Variants in PLGRKT observed in about 807,000 individuals in gnomAD.
PLGRKT encodes plasminogen receptor with a C-terminal lysine.
A neutral mutation model predicts 18.5 loss-of-function variants in PLGRKT; 22 were observed. The observed-to-expected ratio is 1.19, with a 90% CI of 0.85 to 1.70. The LOEUF (loss-of-function observed/expected upper bound fraction) is 1.70. PLGRKT is among the 40% of genes most tolerant of loss of function. The pLI is 0.00. For missense variants in PLGRKT, 235 were observed against 174.4 expected, an observed-to-expected ratio of 1.35 and a Z score of -1.96; for synonymous variants, 72 against 52.8, an observed-to-expected ratio of 1.36 and a Z score of -1.58.
intron 3 of PLGRKT, among the ~76,000 whole-genome samples, chr9:5,408,783 G>A (rs1039379204): frequency 6.6e-5 from 10 of 152,202 alleles, no homozygotes; most frequent in African/African-American, 2.4e-4. Context: ...GGACAGAATG[G>A]TTTCCTGGGC....
At chr9:5,424,519 A>AT (rs1491265819) in intron 3 of PLGRKT, among the ~76,000 whole-genome samples, 1,967 of 111,036 alleles carry the variant, frequency 0.018, 66 homozygotes, top group African/African-American at 0.066. Context: ...TATAACATAT[A>AT]AATATATATT....
chr9:5,420,288 C>G lies in PLGRKT; in HGVS notation c.81+11609G>C, dbSNP rs542748283. Among the ~76,000 whole-genome samples the G allele has an allele frequency of 5.9e-5, 9 of 152,244 alleles. No homozygotes were observed. The East Asian group carries it at 1.7e-3, about 29-fold the overall frequency. Reference sequence around the variant, plus strand: ...GACTGGTTAACAATTACAGGGTTTCCTTTTGGAGTGATGAAGTGTTACAGA... The same window carrying G: ...GACTGGTTAACAATTACAGGGTTTCGTTTTGGAGTGATGAAGTGTTACAGA... On this transcript the variant is annotated intron_variant, in intron 3 of 5. Coordinates refer to ENST00000223864, the MANE Select transcript of PLGRKT (RefSeq NM_018465.4).
At chr9:5,423,863 C>A (rs1330676553) in intron 3 of PLGRKT, among the ~76,000 whole-genome samples, 1 of 81,442 alleles carries the variant, frequency 1.2e-5, no homozygotes, top group African/African-American at 6.6e-5. Flanking sequence ...TCACATTGCC[C>A]AGCTAATATA....
chr9:5,409,715 G>A (rs529846172), intron 3 of PLGRKT, among the ~76,000 whole-genome samples: 1 of 152,362 alleles, frequency 6.6e-6, no homozygotes, highest in East Asian at 1.9e-4. Context: ...TGCGCTGGAT[G>A]TGGGACATGA....
At position 5,369,024 on chromosome 9, in the gene PLGRKT, T is replaced by C. The variant is rs1817458033; in HGVS notation, c.82-7136A>G. Among the ~76,000 whole-genome samples the C allele has an allele frequency of 2.6e-5, 4 of 152,132 alleles. No individual in the cohort carries two copies. In the South Asian group the frequency reaches 8.3e-4, roughly 31 times the overall value. On this transcript the variant is annotated intron_variant, in intron 3 of 5. Coordinates refer to ENST00000223864, the MANE Select transcript of PLGRKT (RefSeq NM_018465.4). ...AAACCCTAGAAGAAAACCTAGGCAA[T>C]ACCATTCAGGACATAGGCATGGGCA...
At chr9:5,425,628 T>A (rs1468996336) in intron 3 of PLGRKT, among the ~76,000 whole-genome samples, 1 of 152,136 alleles carries the variant, frequency 6.6e-6, no homozygotes, top group East Asian at 1.9e-4. Flanking sequence ...GGCCATTACA[T>A]TGCATTACAG....
chr9:5,407,160 C>T (rs556129041), intron 3 of PLGRKT, among the ~76,000 whole-genome samples: 1 of 152,052 alleles, frequency 6.6e-6, no homozygotes, highest in Non-Finnish European at 1.5e-5. Flanking sequence ...AAAACATGTA[C>T]AATGATTGAC....
At chr9:5,413,895 A>T (rs546707414) in intron 3 of PLGRKT, among the ~76,000 whole-genome samples, 1 of 152,310 alleles carries the variant, frequency 6.6e-6, no homozygotes, top group South Asian at 2.1e-4. Context: ...ATTGATTTGG[A>T]GTGGTTTCCA....
chr9:5,420,181 T>C (rs1164534234), intron 3 of PLGRKT, among the ~76,000 whole-genome samples: 1 of 152,184 alleles, frequency 6.6e-6, no homozygotes, highest in Non-Finnish European at 1.5e-5. Flanking sequence ...GCAAACCCAT[T>C]GAGGCAGAAA....
chr9:5,369,980 C>G lies in PLGRKT; in HGVS notation c.82-8092G>C, dbSNP rs886885488. On this transcript the variant is annotated intron_variant, in intron 3 of 5. Transcript: ENST00000223864. ...GGGAGGGATAGCGTTAGGAGAAATA[C>G]CTAATGTAGATAACGTGTTGATGGG... 3.3e-5 allele frequency among the ~76,000 whole-genome samples: 5 copies of G among 151,988 alleles called. No individual in the cohort carries two copies. The East Asian group carries it at 9.6e-4, about 29-fold the overall frequency.
intron 3 of PLGRKT, chr9:5,381,766 T>C (rs781594605): frequency 4.0e-5 from 18 of 446,398 alleles, no homozygotes; most frequent in Non-Finnish European, 5.3e-5. Context: ...TGTAGTAGGA[T>C]TTTATTGTTT....
chr9:5,431,822 T>C (rs746890686), intron 3 of PLGRKT, 75 bp downstream of exon 3: 28 of 720,444 alleles, frequency 3.9e-5, no homozygotes, highest in Non-Finnish European at 6.5e-5. Flanking sequence ...TCAAAGAGAA[T>C]GTACGGCTGG....
chr9:5,414,919 T>C (rs770370705), intron 3 of PLGRKT, among the ~76,000 whole-genome samples: 58 of 152,220 alleles, frequency 3.8e-4, no homozygotes, highest in Non-Finnish European at 2.9e-4. Context: ...TTAGAAAATA[T>C]ACACAGATAG....
At chr9:5,435,510 G>C (rs1295301508) in intron 2 of PLGRKT, among the ~76,000 whole-genome samples, 1 of 152,038 alleles carries the variant, frequency 6.6e-6, no homozygotes, top group Non-Finnish European at 1.5e-5. Context: ...ATGTACTAAA[G>C]TTCTCAAAAA....
chr9:5,394,268 G>A (rs1347648355), intron 3 of PLGRKT, among the ~76,000 whole-genome samples: 2 of 151,770 alleles, frequency 1.3e-5, no homozygotes, highest in Non-Finnish European at 2.9e-5. Context: ...GGAAGGCAGA[G>A]GAGGCAGACA....
At chr9:5,432,146 C>T (rs1001180903) in intron 2 of PLGRKT, among the ~76,000 whole-genome samples, 163 bp from the exon 3 acceptor site, 1 of 152,132 alleles carries the variant, frequency 6.6e-6, no homozygotes, top group Non-Finnish European at 1.5e-5. Context: ...TAACTAGCTG[C>T]CTGACCTCAG....
intron 1 of PLGRKT, 28 bp downstream of exon 1, chr9:5,437,761 C>A (rs1818990185): frequency 6.6e-6 from 1 of 152,276 alleles, no homozygotes. Flanking sequence ...CCCTTCTCCC[C>A]ACCCGCCTGC....
intron 3 of PLGRKT, among the ~76,000 whole-genome samples, chr9:5,401,496 G>C (rs1387826762): frequency 1.3e-5 from 2 of 151,858 alleles, no homozygotes; most frequent in East Asian, 1.9e-4. Context: ...TCTATGGCCT[G>C]TAACCCAGAG....
At chr9:5,429,732 T>C (rs1198099979) in intron 3 of PLGRKT, among the ~76,000 whole-genome samples, 1 of 152,194 alleles carries the variant, frequency 6.6e-6, no homozygotes, top group Non-Finnish European at 1.5e-5. Context: ...CAAGATCACA[T>C]TCTGAAGTAC....
Sources: allele counts gnomAD v4.1 joint callset (sites outside exome capture counted in the v4.1 genomes callset), GRCh38; gene constraint gnomAD v4.1.1; transcripts MANE v1.5; gene names NCBI Gene and HGNC (gene_info 2026-07-23, HGNC 2026-07-21).